Variants in WDR7 observed in about 807,000 individuals in gnomAD.
WDR7 encodes WD repeat-containing protein 7.
Under a neutral mutation model 169.4 loss-of-function variants are expected in WDR7, and 46 were observed. The observed-to-expected ratio is 0.27, with a 90% CI of 0.21 to 0.35. The LOEUF (loss-of-function observed/expected upper bound fraction) is 0.35. Ranked by LOEUF, WDR7 falls within the 10% of genes least tolerant of loss-of-function variation. The pLI is 1.00. For synonymous variants in WDR7, 612 were observed against 666.8 expected, an observed-to-expected ratio of 0.92 and a Z score of 1.27; for missense variants, 1,534 against 1,859.3, an observed-to-expected ratio of 0.83 and a Z score of 3.22.
chr18:57,032,808 T>TAC (rs1555649883), downstream of WDR7: 1 of 15,376 alleles, frequency 6.5e-5, no homozygotes, highest in Non-Finnish European at 1.1e-4. Context: ...ATTTTATATA[T>TAC]ATATATATAT....
chr18:56,986,108 T>C (rs550166394), intron 26 of WDR7, among the ~76,000 whole-genome samples: 1 of 150,630 alleles, frequency 6.6e-6, no homozygotes, highest in African/African-American at 2.4e-5. Flanking sequence ...GAAATTATAA[T>C]AGAGCTAATT....
chr18:56,978,328 C>G (rs1349328822), intron 26 of WDR7, among the ~76,000 whole-genome samples: 1 of 152,144 alleles, frequency 6.6e-6, no homozygotes, highest in African/African-American at 2.4e-5. Context: ...TCAATGTCCC[C>G]CAATGTACTC....
intron 20 of WDR7, among the ~76,000 whole-genome samples, chr18:56,816,970 C>T (rs185859336): frequency 4.9e-4 from 75 of 151,916 alleles, no homozygotes; most frequent in Admixed American, 1.6e-3. Context: ...GAAAGAAGTA[C>T]GCCCAGAAAA....
At chr18:56,894,708 GAAGT>G (rs2046307743) in intron 21 of WDR7, among the ~76,000 whole-genome samples, 1 of 152,072 alleles carries the variant, frequency 6.6e-6, no homozygotes, top group Non-Finnish European at 1.5e-5. Flanking sequence ...AGCAACGACT[GAAGT>G]AATGAGTGAA....
rs904509026 is a variant in WDR7 at position 56,762,156 on chromosome 18, G to A, written c.2848+3203G>A. On this transcript the variant is annotated intron_variant, in intron 16 of 27. Coordinates refer to ENST00000254442, the MANE Select transcript of WDR7 (RefSeq NM_015285.3). ...AAATTTAGAACATAAACCCAATCTT[G>A]CATCCTAGAATAAAACCAATTTTGT... 6.6e-5 allele frequency among the ~76,000 whole-genome samples: 10 copies of A among 151,932 alleles called. No homozygotes were observed. In the East Asian group the frequency reaches 1.5e-3, roughly 23 times the overall value.
At chr18:57,018,896 G>A (rs1412619400) in intron 26 of WDR7, among the ~76,000 whole-genome samples, 5 of 152,174 alleles carry the variant, frequency 3.3e-5, no homozygotes, top group South Asian at 2.1e-4. Context: ...CACTTTTTCC[G>A]ATTTAATTGG....
intron 16 of WDR7, among the ~76,000 whole-genome samples, chr18:56,769,923 T>C (rs998344883): frequency 2.0e-5 from 3 of 152,332 alleles, no homozygotes; most frequent in Admixed American, 1.3e-4. Context: ...TCTGTGCCTT[T>C]ATTTTTTTTA....
At chr18:56,924,411 GATATATATATTAA>G (rs2046775039) in intron 22 of WDR7, among the ~76,000 whole-genome samples, 2 of 152,160 alleles carry the variant, frequency 1.3e-5, no homozygotes, top group South Asian at 4.2e-4. Context: ...TAAGGAAAAT[GATATATATATTAA>G]ATACATGATA....
intron 26 of WDR7, among the ~76,000 whole-genome samples, chr18:57,019,276 T>C (rs2048251721): frequency 6.6e-6 from 1 of 152,226 alleles, no homozygotes; most frequent in Non-Finnish European, 1.5e-5. Flanking sequence ...CCATGCATTG[T>C]GCAGAACGCT....
intron 1 of WDR7, among the ~76,000 whole-genome samples, chr18:56,672,239 G>A (rs2025151324): frequency 6.6e-6 from 1 of 152,086 alleles, no homozygotes; most frequent in Admixed American, 6.5e-5. Context: ...AATGCCTGGG[G>A]TAAAGACCTG....
At chr18:56,820,339 CAAAAAA>C (rs386387798) in intron 20 of WDR7, among the ~76,000 whole-genome samples, 725 of 42,472 alleles carry the variant, frequency 0.017, 12 homozygotes, top group African/African-American at 0.074. Context: ...CTGACATTGT[CAAAAAA>C]AAAAAAAAAA....
chr18:56,838,573 G>C (rs1044180783), intron 20 of WDR7, among the ~76,000 whole-genome samples: 5 of 152,138 alleles, frequency 3.3e-5, no homozygotes, highest in Non-Finnish European at 7.4e-5. Context: ...TTCCATAGCA[G>C]AAAGTTTTAA....
chr18:56,774,949 G>A (rs1009900165), intron 16 of WDR7, among the ~76,000 whole-genome samples: 1 of 151,852 alleles, frequency 6.6e-6, no homozygotes, highest in Non-Finnish European at 1.5e-5. Context: ...ACAATATCGA[G>A]AATCTGTTTT....
chr18:56,676,389 CGTT>C (rs1473991448), intron 2 of WDR7, among the ~76,000 whole-genome samples: 1 of 152,068 alleles, frequency 6.6e-6, no homozygotes, highest in African/African-American at 2.4e-5. Context: ...GATAAGTCCT[CGTT>C]ATTATTGGTA....
intron 20 of WDR7, among the ~76,000 whole-genome samples, chr18:56,847,835 A>C (rs2045588848): frequency 6.6e-6 from 1 of 152,234 alleles, no homozygotes; most frequent in Non-Finnish European, 1.5e-5. Flanking sequence ...ACAGAATGCA[A>C]GAGTCAAGGA....
At chr18:56,741,539 C>T (rs1279834068) in intron 14 of WDR7, among the ~76,000 whole-genome samples, 1 of 152,172 alleles carries the variant, frequency 6.6e-6, no homozygotes, top group Admixed American at 6.5e-5. Flanking sequence ...TCATAGGACT[C>T]ACACACGTAG....
chr18:56,904,504 A>G (rs997479410), intron 21 of WDR7, among the ~76,000 whole-genome samples: 1 of 152,142 alleles, frequency 6.6e-6, no homozygotes, highest in Non-Finnish European at 1.5e-5. Context: ...TGGGGCAACA[A>G]TATGTTTTTT....
intron 13 of WDR7, among the ~76,000 whole-genome samples, chr18:56,718,629 G>A (rs1028073634): frequency 6.6e-6 from 1 of 152,098 alleles, no homozygotes; most frequent in Non-Finnish European, 1.5e-5. Context: ...ATGTATTGGG[G>A]GTATAATGTA....
rs143311376 is a variant in WDR7, at chr18:56,691,227, C to T, written c.729C>T (p.Ala243=). 5.7e-5 allele frequency: 92 copies of T among 1,605,270 alleles called. No homozygotes were observed. The highest frequency in any genetic ancestry group is 1.7e-4 in the Middle Eastern group (1 of 6,060). Residue 243 remains alanine, a synonymous_variant, in exon 8 of 28, where the codon GCC becomes GCT. Coordinates refer to ENST00000254442, the MANE Select transcript of WDR7 (RefSeq NM_015285.3). The stretch of plus-strand genomic sequence containing the variant: ...TTTCTTCCTTGCAGGTGTTCGATGC[C>T]GGAGACTATTCCTTGTTGTGTTCAG... The part of the protein sequence containing the change: ...VCSKYWRVFD[A]GDYSLLCSGP...
Sources: gnomAD v4.1 joint callset for allele counts (sites outside exome capture counted in the v4.1 genomes callset) on GRCh38, gnomAD v4.1.1 for gene constraint, MANE v1.5 for transcripts, NCBI Gene and HGNC (gene_info 2026-07-23, HGNC 2026-07-21) for gene names.